The following SQLE variants were observed in gnomAD, a reference collection of about 807,000 sequenced individuals.
SQLE encodes the protein squalene monooxygenase.
In SQLE, 29 loss-of-function variants were observed where a neutral mutation model predicts 60.7. That is an observed-to-expected ratio of 0.48 (90% CI 0.36 to 0.65). The LOEUF (loss-of-function observed/expected upper bound fraction) is 0.65, where lower values mean the gene tolerates loss of function less well. Among genes scored for constraint, SQLE ranks in the 30% least tolerant of loss-of-function variants. SQLE has a pLI of 0.00. For missense variants in SQLE, 605 were observed against 684.1 expected (o/e 0.88, Z 1.29); for synonymous variants, 237 against 246.8 (o/e 0.96, Z 0.37).
intron 7 of SQLE, among the ~76,000 whole-genome samples, chr8:125,013,615 A>T (rs1376891973): frequency 1.3e-5 from 2 of 152,084 alleles, no homozygotes; most frequent in Non-Finnish European, 1.5e-5. Context: ...AGCCTCCCAA[A>T]GTCCTGGGAT....
intron 7 of SQLE, 37 bp from the exon 8 acceptor site, chr8:125,018,022 T>C (rs777518800): frequency 6.2e-7 from 1 of 1,604,898 alleles, no homozygotes; most frequent in Non-Finnish European, 8.5e-7. Context: ...TCTCAAGGGA[T>C]GCTCTAAAAT....
At chr8:125,010,865 ATTAG>A (rs965838934) in intron 6 of SQLE, 10 of 151,812 alleles carry the variant, frequency 6.6e-5, no homozygotes, top group African/African-American at 2.4e-4. Context: ...TTATATTAAT[ATTAG>A]TTAGATTACC....
At chr8:125,008,563 C>G (rs945779977) in intron 4 of SQLE, among the ~76,000 whole-genome samples, 3 of 152,218 alleles carry the variant, frequency 2.0e-5, no homozygotes, top group Non-Finnish European at 4.4e-5. Context: ...AAAAATTCTT[C>G]TAAGCCCTAG....
In SQLE at chr8:125,014,634, T is replaced by C. The variant is rs531157479; in HGVS notation, c.1204+3002T>C. Among the ~76,000 whole-genome samples, 10 of 152,350 alleles carry C rather than the reference T, an allele frequency of 6.6e-5. 1 individual carries two copies. The East Asian group carries it at 1.9e-3, about 29-fold the overall frequency. ...ATTTTTATTTCTATCAAGAAATTTT[T>C]ATATTTACTTCTTAATTTCTTCATT... On this transcript the variant is annotated intron_variant, in intron 7 of 10. Coordinates refer to ENST00000265896, the MANE Select transcript of SQLE (RefSeq NM_003129.4).
At chr8:125,008,725 C>T (rs189410152) in intron 4 of SQLE, among the ~76,000 whole-genome samples, 36 of 152,246 alleles carry the variant, frequency 2.4e-4, no homozygotes, top group African/African-American at 8.4e-4. Flanking sequence ...AGAGTAATCC[C>T]AGATGGTTTG....
chr8:125,001,601 A>G (rs1206682359), intron 1 of SQLE, among the ~76,000 whole-genome samples: 1 of 151,970 alleles, frequency 6.6e-6, no homozygotes, highest in Admixed American at 6.6e-5. Flanking sequence ...CCATTAAGAC[A>G]TACTAATGGG....
At position 124,999,138 on chromosome 8, in the gene SQLE, G is replaced by A. The variant is rs930395955; in HGVS notation, c.-266G>A. Reference sequence around the variant, plus strand: ...ATCTGGATTTCCTGGGCGAGGAGGAGCGAGTCTGCTCGGGAGCTGTTCCAG... The same window carrying A: ...ATCTGGATTTCCTGGGCGAGGAGGAACGAGTCTGCTCGGGAGCTGTTCCAG... On this transcript the variant is annotated 5_prime_UTR_variant, in exon 1 of 11. Coordinates refer to ENST00000265896, the MANE Select transcript of SQLE (RefSeq NM_003129.4). The A allele has an allele frequency of 2.6e-6, 1 of 377,926 alleles. No individual in the cohort carries two copies. The highest frequency in any genetic ancestry group is 4.7e-6 in the Non-Finnish European group (1 of 213,924). 23.4% of individuals were successfully genotyped at this position (377,926 alleles called of 1,614,324 possible).
chr8:125,005,054 A>G (rs1337853585), intron 2 of SQLE, among the ~76,000 whole-genome samples: 1 of 152,156 alleles, frequency 6.6e-6, no homozygotes, highest in Non-Finnish European at 1.5e-5. Flanking sequence ...TGGTTTGGAA[A>G]ATCTACTTTT....
rs1481390134 is a variant in SQLE at position 124,999,299 on chromosome 8, C to T, written c.-105C>T. On this transcript the variant is annotated 5_prime_UTR_variant, in exon 1 of 11. Transcript: ENST00000265896. ...GGGACACTGTTTACTGGAGTCTGGC[C>T]GGCTCTCCGTGCTCCTCTTGGTACC... is the stretch of plus-strand genomic sequence containing the variant. The T allele has an allele frequency of 1.7e-6, 2 of 1,158,498 alleles. No homozygotes were observed. The highest frequency in any genetic ancestry group is 2.3e-6 in the Non-Finnish European group (2 of 883,230). 71.8% of individuals were successfully genotyped at this position (1,158,498 alleles called of 1,614,324 possible). A position where few individuals can be genotyped will look rare whatever the true frequency, so the allele number is the denominator to read the frequency against.
intron 10 of SQLE, 26 bp downstream of exon 10, chr8:125,020,897 C>CAA: frequency 6.5e-7 from 1 of 1,531,866 alleles, no homozygotes; most frequent in Non-Finnish European, 9.0e-7. Context: ...ACAGAGGATA[C>CAA]AAACCTGCCA....
Position 125,018,337 on chromosome 8 carries a change from C to CT in SQLE, c.1347+138dup, listed in dbSNP as rs1314793270. ...ATAGCTCTTAGGCATCTTGCTTAGGCTTAAAGAACCTGACTTGCAACCTGT... is the reference window on the plus strand; with the variant it reads ...ATAGCTCTTAGGCATCTTGCTTAGGCTTTAAAGAACCTGACTTGCAACCTGT... On this transcript the variant is annotated intron_variant, in intron 8 of 10. Transcript: ENST00000265896. 9.1e-6 allele frequency: 8 copies of CT among 881,912 alleles called. No individual in the cohort carries two copies. In the East Asian group the frequency reaches 2.1e-4, roughly 23 times the overall value. 54.6% of individuals were successfully genotyped at this position (881,912 alleles called of 1,614,324 possible). A position where few individuals can be genotyped will look rare whatever the true frequency, so the allele number is the denominator to read the frequency against.
At chr8:125,021,409 A>G (rs1402244221) in intron 10 of SQLE, among the ~76,000 whole-genome samples, 2 of 151,872 alleles carry the variant, frequency 1.3e-5, no homozygotes, top group African/African-American at 2.4e-5. Flanking sequence ...CCATCTAGAT[A>G]TTTCAGCGTG....
At chr8:125,008,062 A>G (rs1814983228) in intron 4 of SQLE, among the ~76,000 whole-genome samples, 1 of 152,124 alleles carries the variant, frequency 6.6e-6, no homozygotes, top group Non-Finnish European at 1.5e-5. Flanking sequence ...TTTTAAAAAC[A>G]ATTTATCCTT....
rs748906828 is a variant in SQLE, at chr8:125,016,814, C to T, written c.1205-1245C>T. Among the ~76,000 whole-genome samples the T allele has an allele frequency of 2.6e-5, 4 of 152,060 alleles. No homozygotes were observed. The highest frequency in any genetic ancestry group is 3.2e-3 in the Middle Eastern group (1 of 316). On this transcript the variant is annotated intron_variant, in intron 7 of 10. Coordinates refer to ENST00000265896, the MANE Select transcript of SQLE (RefSeq NM_003129.4). This position sits in a 1 kb window ranked among gnomAD's most constrained non-coding sequence, Gnocchi z 4.1. ...GATCTAAGTCTTTGGTCATAGCAGC[C>T]GTATCTGTATTAAGGGGCACCCCAA...
chr8:125,002,199 A>G (rs540500445), intron 1 of SQLE, among the ~76,000 whole-genome samples: 1 of 152,310 alleles, frequency 6.6e-6, no homozygotes, highest in South Asian at 2.1e-4. Flanking sequence ...CCAAAATTGT[A>G]AACAAGTCAA....
At chr8:125,014,025 C>T (rs1815076162) in intron 7 of SQLE, among the ~76,000 whole-genome samples, 1 of 152,098 alleles carries the variant, frequency 6.6e-6, no homozygotes, top group Admixed American at 6.5e-5. Flanking sequence ...ACTTTTATTT[C>T]AGGAATATAC....
intron 7 of SQLE, among the ~76,000 whole-genome samples, chr8:125,015,261 C>A (rs1433448955): frequency 1.3e-5 from 2 of 151,984 alleles, no homozygotes; most frequent in Non-Finnish European, 2.9e-5. Flanking sequence ...TTTTCCATCC[C>A]TTCATTTTCA....
In SQLE at chr8:124,999,444, A is replaced by G; in HGVS notation, c.41A>G (p.Tyr14Cys). 7.9e-6 allele frequency: 12 copies of G among 1,528,464 alleles called. No homozygotes were observed. The highest frequency in any genetic ancestry group is 1.1e-5 in the Non-Finnish European group (12 of 1,137,252). 94.7% of individuals were successfully genotyped at this position (1,528,464 alleles called of 1,614,324 possible). The change falls in exon 1 of 11, where the codon TAT becomes TGT. Residue 14 changes from tyrosine to cysteine, a missense_variant. Coordinates refer to ENST00000265896, the MANE Select transcript of SQLE (RefSeq NM_003129.4). ...GGCATTGCCACTTTCACCTATTTTT[A>G]TAAGAAGTTCGGGGACTTCATCACT... Reference protein sequence around the residue: ...FLGIATFTYFYKKFGDFITLA... With the variant: ...FLGIATFTYFCKKFGDFITLA...
chr8:125,008,663 C>T (rs1039627481), intron 4 of SQLE, among the ~76,000 whole-genome samples: 3 of 152,194 alleles, frequency 2.0e-5, no homozygotes, highest in Non-Finnish European at 4.4e-5. Flanking sequence ...ATTGACTGCT[C>T]TGTGTTACAT....
Sources: allele counts gnomAD v4.1 joint callset (sites outside exome capture counted in the v4.1 genomes callset), GRCh38; gene constraint gnomAD v4.1.1; non-coding constraint Gnocchi (gnomAD v3.1); transcripts MANE v1.5; gene names NCBI Gene and HGNC (gene_info 2026-07-23, HGNC 2026-07-21).